UBA5: variants seen among roughly 807,000 people sequenced by gnomAD.
The protein encoded by UBA5 is ubiquitin-like modifier-activating enzyme 5.
In UBA5, 28 loss-of-function variants were observed where a neutral mutation model predicts 52.9. That is an observed-to-expected ratio of 0.53 (90% CI 0.39 to 0.73). The LOEUF (loss-of-function observed/expected upper bound fraction) is 0.73. Ranked by LOEUF, UBA5 falls within the 30% of genes least tolerant of loss-of-function variation. The pLI, the probability that UBA5 is intolerant of heterozygous loss-of-function variation, is 0.00. For missense variants in UBA5, 388 were observed against 492.7 expected, an observed-to-expected ratio of 0.79 and a Z score of 2.01; for synonymous variants, 135 against 162.1, an observed-to-expected ratio of 0.83 and a Z score of 1.27.
At position 132,671,349 on chromosome 3, in the gene UBA5, A is replaced by G. The variant is rs111896183; in HGVS notation, c.579+300A>G. Among the ~76,000 whole-genome samples, 182 of 152,288 alleles carry G rather than the reference A, an allele frequency of 1.2e-3. 1 individual carries two copies. The highest frequency in any genetic ancestry group is 3.8e-3 in the African/African-American group (156 of 41,582). On this transcript the variant is annotated intron_variant, in intron 6 of 11. Transcript: ENST00000356232. ...TTAGTATCTTATAATCTTGGTCAGCATTAGTTTTAGCTTTTGTTATTTTAT... is the reference window on the plus strand; with the variant it reads ...TTAGTATCTTATAATCTTGGTCAGCGTTAGTTTTAGCTTTTGTTATTTTAT...
In UBA5 at chr3:132,660,709, T is replaced by C; in HGVS notation, c.161+11T>C. 1 of 1,532,498 alleles carries C rather than the reference T, an allele frequency of 6.5e-7. No individual in the cohort carries two copies. Among genetic ancestry groups the C allele is most frequent in the Non-Finnish European group, 8.8e-7 (1 of 1,134,218 alleles). 94.9% of individuals were successfully genotyped at this position (1,532,498 alleles called of 1,614,324 possible). A position where few individuals can be genotyped will look rare whatever the true frequency, so the allele number is the denominator to read the frequency against. ...TTCGAATCCCTACAGGTAACCTGCG[T>C]CGCCGGTCGGAGGCAGGCGCGGGGG... On this transcript the variant is annotated intron_variant, in intron 1 of 11. Coordinates refer to ENST00000356232, the MANE Select transcript of UBA5 (RefSeq NM_024818.6). The surrounding 1 kb of genome is among the most constrained non-coding windows in gnomAD (Gnocchi z 4.1).
intron 8 of UBA5, among the ~76,000 whole-genome samples, chr3:132,674,191 C>G (rs1269994581): frequency 2.6e-5 from 4 of 152,116 alleles, no homozygotes; most frequent in Admixed American, 1.3e-4. Flanking sequence ...CACTTACATT[C>G]TTCTGTGAAT....
intron 5 of UBA5, 163 bp from the exon 6 acceptor site, chr3:132,670,802 C>T (rs1229404551): frequency 2.2e-6 from 1 of 444,586 alleles, no homozygotes; most frequent in African/African-American, 2.0e-5. Context: ...ATAAGTTACT[C>T]AATACTTGAT....
At chr3:132,659,841 T>C (rs552170055), upstream of UBA5, 1 of 1,455,320 alleles carries the variant, frequency 6.9e-7, no homozygotes, top group African/African-American at 1.4e-5. Context: ...CTCTAGAGCA[T>C]GGGCCGAGGC....
rs1409776576 is a variant in UBA5 at position 132,660,777 on chromosome 3, CG to C, written c.161+80del. ...GAGGTCAGAAGTGAGGCGCTTCCCA[CG>C]TCCCGCTCATGGGGACGCCCGCCAC... On this transcript the variant is annotated intron_variant, in intron 1 of 11. Coordinates refer to ENST00000356232, the MANE Select transcript of UBA5 (RefSeq NM_024818.6). This position sits in a 1 kb window ranked among gnomAD's most constrained non-coding sequence, Gnocchi z 4.1. 26 of 1,452,614 alleles carry C rather than the reference CG, an allele frequency of 1.8e-5. No individual in the cohort carries two copies. Among genetic ancestry groups the C allele is most frequent in the Admixed American group, 2.8e-5 (1 of 35,996 alleles). The allele number at this position is 1,452,614 out of a possible 1,614,324, so 90.0% of individuals were successfully genotyped here. A position where few individuals can be genotyped will look rare whatever the true frequency, so the allele number is the denominator to read the frequency against.
chr3:132,659,940 C>T (rs772658862), upstream of UBA5: 12 of 615,658 alleles, frequency 1.9e-5, no homozygotes, highest in African/African-American at 3.9e-5. Context: ...GGTTTTAGCT[C>T]TAGTCAAGTG....
rs1938898656 is a variant in UBA5, at chr3:132,677,827, A to G, written c.*1301A>G. On this transcript the variant is annotated 3_prime_UTR_variant, in exon 12 of 12. Coordinates refer to ENST00000356232, the MANE Select transcript of UBA5 (RefSeq NM_024818.6). ...TTCAATATATTAGTTTTGAGATGCT[A>G]GGATTATACTGTGATTCTTATGTTT... 1 of 152,210 alleles carries G rather than the reference A, an allele frequency of 6.6e-6. No individual in the cohort carries two copies. The allele number at this position is 152,210 out of a possible 1,614,324, so 9.4% of individuals were successfully genotyped here.
In UBA5 at chr3:132,676,070, T is replaced by C. The variant is rs1380047189; in HGVS notation, c.1131+147T>C. ...AGATGTGAGAGAGAGGTATGCAGTG[T>C]TAATATGCAAATATTTATAGCTTAA... On this transcript the variant is annotated intron_variant, in intron 11 of 11. Coordinates refer to ENST00000356232, the MANE Select transcript of UBA5 (RefSeq NM_024818.6). The surrounding 1 kb of genome is among the most constrained non-coding windows in gnomAD (Gnocchi z 4.1). The C allele has an allele frequency of 3.4e-5, 21 of 621,348 alleles. No homozygotes were observed. The highest frequency in any genetic ancestry group is 5.3e-5 in the Non-Finnish European group (19 of 361,400). The allele number at this position is 621,348 out of a possible 1,614,324, so 38.5% of individuals were successfully genotyped here. A position where few individuals can be genotyped will look rare whatever the true frequency, so the allele number is the denominator to read the frequency against.
chr3:132,659,693 A>G (rs1301597708), upstream of UBA5: 7 of 1,612,070 alleles, frequency 4.3e-6, no homozygotes, highest in South Asian at 7.7e-5. Flanking sequence ...CTTGCTGTCG[A>G]ACTTGTGCTG....
chr3:132,662,505 GTTA>G (rs1204732583), intron 1 of UBA5, among the ~76,000 whole-genome samples: 2 of 152,140 alleles, frequency 1.3e-5, no homozygotes, highest in Non-Finnish European at 2.9e-5. Context: ...AAAGTACAGT[GTTA>G]TTATTGATAA....
chr3:132,667,342 T>C (rs1938420117), intron 3 of UBA5: 2 of 152,180 alleles, frequency 1.3e-5, no homozygotes, highest in Admixed American at 1.3e-4. Context: ...ACAGTAGTTA[T>C]ATATTGCTGT....
rs1361024364 is a variant in UBA5, at chr3:132,676,868, C to T, written c.*342C>T. 2.2e-6 allele frequency: 1 copy of T among 461,034 alleles called. No homozygotes were observed. The highest frequency in any genetic ancestry group is 6.7e-5 in the East Asian group (1 of 14,824). 28.6% of individuals were successfully genotyped at this position (461,034 alleles called of 1,614,324 possible). On this transcript the variant is annotated 3_prime_UTR_variant, in exon 12 of 12. Coordinates refer to ENST00000356232, the MANE Select transcript of UBA5 (RefSeq NM_024818.6). The surrounding 1 kb of genome is among the most constrained non-coding windows in gnomAD (Gnocchi z 4.1). ...TTTTCTTTCCAGTAATCCCTTGTGTCTGTTGCATGAGGACATGGACAATAA... is the reference window on the plus strand; with the variant it reads ...TTTTCTTTCCAGTAATCCCTTGTGTTTGTTGCATGAGGACATGGACAATAA...
intron 8 of UBA5, 71 bp from the exon 9 acceptor site, chr3:132,675,177 A>T (rs575317296): frequency 1.1e-4 from 122 of 1,143,002 alleles, no homozygotes; most frequent in African/African-American, 5.5e-4. Flanking sequence ...CGTTATTTTT[A>T]AAAAATTTAG....
At chr3:132,658,221 A>G (rs1448837427), upstream of UBA5, among the ~76,000 whole-genome samples, 1 of 152,084 alleles carries the variant, frequency 6.6e-6, no homozygotes, top group Non-Finnish European at 1.5e-5. Flanking sequence ...GACTTCCTTC[A>G]TGGCCTATGT....
At chr3:132,656,163 A>ACATTT (rs1255980032), upstream of UBA5, among the ~76,000 whole-genome samples, 5 of 152,222 alleles carry the variant, frequency 3.3e-5, no homozygotes, top group African/African-American at 1.2e-4. Flanking sequence ...CTGTAGCTGA[A>ACATTT]TCATTTTCAC....
rs1938114937 is a variant in UBA5 at position 132,660,730 on chromosome 3, G to T, written c.161+32G>T. On this transcript the variant is annotated intron_variant, in intron 1 of 11. Coordinates refer to ENST00000356232, the MANE Select transcript of UBA5 (RefSeq NM_024818.6). The surrounding 1 kb of genome is among the most constrained non-coding windows in gnomAD (Gnocchi z 4.1). ...TGCGTCGCCGGTCGGAGGCAGGCGC[G>T]GGGGACGAGGTCAGGCTCCGTGAGG... is the stretch of plus-strand genomic sequence containing the variant. 1 of 1,508,174 alleles carries T rather than the reference G, an allele frequency of 6.6e-7. No individual in the cohort carries two copies. Among genetic ancestry groups the T allele is most frequent in the Non-Finnish European group, 8.9e-7 (1 of 1,122,038 alleles). The allele number at this position is 1,508,174 out of a possible 1,614,324, so 93.4% of individuals were successfully genotyped here.
chr3:132,670,645 C>G, intron 5 of UBA5: 1 of 227,996 alleles, frequency 4.4e-6, no homozygotes, highest in Non-Finnish European at 8.4e-6. Flanking sequence ...GCTTTTATTA[C>G]ATTTGTAATG....
intron 9 of UBA5, 56 bp downstream of exon 9, chr3:132,675,439 A>C (rs1938796157): frequency 1.1e-5 from 18 of 1,576,726 alleles, no homozygotes; most frequent in Non-Finnish European, 1.5e-5. Context: ...GACAATACAT[A>C]AACAGATTTG....
chr3:132,663,286 T>C (rs1161526944), intron 1 of UBA5, among the ~76,000 whole-genome samples: 1 of 152,052 alleles, frequency 6.6e-6, no homozygotes, highest in African/African-American at 2.4e-5. Flanking sequence ...CCAGATCCCC[T>C]ACTCCACTGT....
Sources: gnomAD v4.1 joint callset for allele counts (sites outside exome capture counted in the v4.1 genomes callset) on GRCh38, gnomAD v4.1.1 for gene constraint, Gnocchi (gnomAD v3.1) non-coding constraint, MANE v1.5 for transcripts, NCBI Gene and HGNC (gene_info 2026-07-23, HGNC 2026-07-21) for gene names.